Variants in TMOD3 observed in about 807,000 individuals in gnomAD.
TMOD3 encodes tropomodulin-3.
A neutral mutation model predicts 39.2 loss-of-function variants in TMOD3; 20 were observed. The ratio of observed to expected loss-of-function variants is 0.51; its 90% CI spans 0.36 to 0.74. The LOEUF (loss-of-function observed/expected upper bound fraction) is 0.74, where lower values mean the gene tolerates loss of function less well. Among genes scored for constraint, TMOD3 ranks in the 30% least tolerant of loss-of-function variants. TMOD3 has a pLI of 0.00. For missense variants in TMOD3, 381 were observed against 412.8 expected, an observed-to-expected ratio of 0.92 and a Z score of 0.67; for synonymous variants, 143 against 145.8, an observed-to-expected ratio of 0.98 and a Z score of 0.14.
In TMOD3 at chr15:51,911,948, C is replaced by T. The variant is rs934796908; in HGVS notation, c.*3138C>T. 2 of 152,106 alleles carry T rather than the reference C, an allele frequency of 1.3e-5. No homozygotes were observed. Among genetic ancestry groups the T allele is most frequent in the African/African-American group, 2.4e-5 (1 of 41,412 alleles). The allele number at this position is 152,106 out of a possible 1,614,324, so 9.4% of individuals were successfully genotyped here. ...GGTTAGAGACTTCAAGGAGAGTTAG[C>T]TTGGTCATTTAATTGCGACTTCATG... On this transcript the variant is annotated 3_prime_UTR_variant, in exon 10 of 10. Transcript: ENST00000308580.
At chr15:51,888,051 G>A (rs752507408) in intron 4 of TMOD3, among the ~76,000 whole-genome samples, 1 of 152,166 alleles carries the variant, frequency 6.6e-6, no homozygotes, top group Non-Finnish European at 1.5e-5. Flanking sequence ...AGTCTTCAGG[G>A]TCAACCGCTG....
At position 51,914,326 on chromosome 15, in the gene TMOD3, T is replaced by C. The variant is rs2056724602; in HGVS notation, c.*5516T>C. 6.6e-6 allele frequency: 1 copy of C among 151,760 alleles called. No individual in the cohort carries two copies. The highest frequency in any genetic ancestry group is 2.1e-4 in the South Asian group (1 of 4,806). 9.4% of individuals were successfully genotyped at this position (151,760 alleles called of 1,614,324 possible). A position where few individuals can be genotyped will look rare whatever the true frequency, so the allele number is the denominator to read the frequency against. On this transcript the variant is annotated 3_prime_UTR_variant, in exon 10 of 10. Transcript: ENST00000308580. ...AAAAAAATGGGTTTTTTTGTTGTTG[T>C]TTTTGTCTTTTACTTAGGACACCTG...
chr15:51,840,996 G>A (rs560539999), intron 1 of TMOD3, among the ~76,000 whole-genome samples: 1 of 152,280 alleles, frequency 6.6e-6, no homozygotes, highest in South Asian at 2.1e-4. Context: ...GTGTGATATT[G>A]TGTAAAACGT....
In TMOD3 at chr15:51,911,600, G is replaced by A. The variant is rs886653925; in HGVS notation, c.*2790G>A. On this transcript the variant is annotated 3_prime_UTR_variant, in exon 10 of 10. Coordinates refer to ENST00000308580, the MANE Select transcript of TMOD3 (RefSeq NM_014547.5). Reference sequence around the variant, plus strand: ...AAGGTTTTCTGAGACCTTAGGTTTTGTAGTCTAACCAGCTTATGTGGTTAT... The same window carrying A: ...AAGGTTTTCTGAGACCTTAGGTTTTATAGTCTAACCAGCTTATGTGGTTAT... 3.9e-5 allele frequency: 6 copies of A among 152,136 alleles called. No homozygotes were observed. Among genetic ancestry groups the A allele is most frequent in the Non-Finnish European group, 7.4e-5 (5 of 68,006 alleles). 9.4% of individuals were successfully genotyped at this position (152,136 alleles called of 1,614,324 possible). A position where few individuals can be genotyped will look rare whatever the true frequency, so the allele number is the denominator to read the frequency against.
chr15:51,848,600 T>G (rs1290992444), intron 1 of TMOD3, among the ~76,000 whole-genome samples: 1 of 152,222 alleles, frequency 6.6e-6, no homozygotes, highest in Non-Finnish European at 1.5e-5. Context: ...TGAAGTAAAT[T>G]GAAGCAGATA....
At chr15:51,878,010 C>T (rs2056513822) in intron 3 of TMOD3, among the ~76,000 whole-genome samples, 1 of 152,236 alleles carries the variant, frequency 6.6e-6, no homozygotes, top group Non-Finnish European at 1.5e-5. Flanking sequence ...GTGCAGTTCC[C>T]TCCTTTCTGG....
At chr15:51,875,767 C>T (rs1476777862) in intron 3 of TMOD3, among the ~76,000 whole-genome samples, 2 of 152,042 alleles carry the variant, frequency 1.3e-5, no homozygotes, top group African/African-American at 2.4e-5. Flanking sequence ...AGGCAGCCGC[C>T]ACCATGCCCA....
chr15:51,881,475 T>C (rs1185298554), intron 3 of TMOD3, among the ~76,000 whole-genome samples: 1 of 152,054 alleles, frequency 6.6e-6, no homozygotes, highest in Non-Finnish European at 1.5e-5. Flanking sequence ...TTTCTTTTGT[T>C]ACTTATACTT....
chr15:51,856,026 G>A (rs2056385987), intron 1 of TMOD3, among the ~76,000 whole-genome samples: 1 of 152,220 alleles, frequency 6.6e-6, no homozygotes, highest in Non-Finnish European at 1.5e-5. Context: ...ACTTTAGGAG[G>A]TCGAGGCAGA....
intron 6 of TMOD3, 53 bp downstream of exon 6, chr15:51,893,998 G>C: frequency 1.4e-6 from 2 of 1,454,948 alleles, no homozygotes; most frequent in East Asian, 2.4e-5. Flanking sequence ...GTTGAACCTA[G>C]GATGAGAGCT....
chr15:51,862,287 C>T (rs2056423239), intron 1 of TMOD3, among the ~76,000 whole-genome samples: 1 of 152,094 alleles, frequency 6.6e-6, no homozygotes, highest in African/African-American at 2.4e-5. Flanking sequence ...TTTAAAAACA[C>T]CTCAGAAAAA....
At chr15:51,834,000 C>T (rs1383461682) in intron 1 of TMOD3, among the ~76,000 whole-genome samples, 1 of 152,128 alleles carries the variant, frequency 6.6e-6, no homozygotes, top group Non-Finnish European at 1.5e-5. Context: ...GGTTGTACCT[C>T]ATTATGGTTT....
intron 1 of TMOD3, among the ~76,000 whole-genome samples, chr15:51,831,147 A>G (rs1198823185): frequency 1.3e-5 from 2 of 152,240 alleles, no homozygotes; most frequent in South Asian, 2.1e-4. Flanking sequence ...AAGTCCTATG[A>G]TAGACATGAG....
At chr15:51,885,575 C>G (rs970506998) in intron 3 of TMOD3, among the ~76,000 whole-genome samples, 2 of 152,116 alleles carry the variant, frequency 1.3e-5, no homozygotes, top group African/African-American at 4.8e-5. Flanking sequence ...TGAGTGGACA[C>G]AGCACATGTT....
At chr15:51,893,697 G>A (rs1161750774) in intron 5 of TMOD3, 118 bp from the exon 6 acceptor site, 29 of 956,552 alleles carry the variant, frequency 3.0e-5, no homozygotes, top group East Asian at 6.7e-5. Context: ...CCCGGGAGGC[G>A]GAGCTTGCAG....
intron 2 of TMOD3, among the ~76,000 whole-genome samples, chr15:51,864,860 A>G (rs541777518): frequency 2.0e-5 from 3 of 152,154 alleles, no homozygotes; most frequent in Non-Finnish European, 2.9e-5. Flanking sequence ...TGGTTTGCGT[A>G]TGAAAGGTGT....
At chr15:51,891,107 G>A (rs373668510) in intron 5 of TMOD3, among the ~76,000 whole-genome samples, 3 of 152,056 alleles carry the variant, frequency 2.0e-5, no homozygotes, top group Admixed American at 6.5e-5. Flanking sequence ...GTAATACCCA[G>A]TCTGTGTCCA....
intron 1 of TMOD3, among the ~76,000 whole-genome samples, chr15:51,855,157 G>C (rs2056381632): frequency 6.6e-6 from 1 of 152,214 alleles, no homozygotes; most frequent in Non-Finnish European, 1.5e-5. Flanking sequence ...GAAGACTTTT[G>C]AGTTAAACAG....
At chr15:51,890,565 G>A (rs926718379) in intron 5 of TMOD3, among the ~76,000 whole-genome samples, 1 of 151,994 alleles carries the variant, frequency 6.6e-6, no homozygotes, top group Non-Finnish European at 1.5e-5. Flanking sequence ...ACAGTTCTAT[G>A]AAATAGATAT....
Sources: gnomAD v4.1 joint callset for allele counts (sites outside exome capture counted in the v4.1 genomes callset) on GRCh38, gnomAD v4.1.1 for gene constraint, MANE v1.5 for transcripts, NCBI Gene and HGNC (gene_info 2026-07-23, HGNC 2026-07-21) for gene names.